The following SMOC2 variants were observed in gnomAD, a reference collection of about 807,000 sequenced individuals.
SMOC2 encodes SPARC-related modular calcium-binding protein 2.
In SMOC2, 39 loss-of-function variants were observed where a neutral mutation model predicts 61.4. The ratio of observed to expected loss-of-function variants is 0.64; its 90% CI spans 0.49 to 0.83. SMOC2 has a LOEUF of 0.83. Among genes scored for constraint, SMOC2 ranks in the 40% least tolerant of loss-of-function variants. SMOC2 has a pLI of 0.00. For missense variants in SMOC2, 556 were observed against 592.9 expected (o/e 0.94, Z 0.65); for synonymous variants, 247 against 239.9 (o/e 1.03, Z -0.27).
chr6:168,540,897 C>CA (rs1783863455), intron 4 of SMOC2, among the ~76,000 whole-genome samples: 1 of 152,192 alleles, frequency 6.6e-6, no homozygotes, highest in African/African-American at 2.4e-5. Flanking sequence ...TCACCCCTCT[C>CA]ACGTCTGTGC....
At chr6:168,596,095 AAGCGCCACGTGAACAC>A in intron 7 of SMOC2, among the ~76,000 whole-genome samples, 1 of 98,656 alleles carries the variant, frequency 1.0e-5, no homozygotes, top group African/African-American at 3.6e-5. Flanking sequence ...AGGCATGAAC[AAGCGCCACGTGAACAC>A]GGCAGTGATG....
chr6:168,546,532 G>A (rs548858249), intron 5 of SMOC2, among the ~76,000 whole-genome samples: 3 of 152,190 alleles, frequency 2.0e-5, no homozygotes, highest in African/African-American at 4.8e-5. Context: ...TCCATTCTCC[G>A]ATCACTTTCG....
intron 9 of SMOC2, among the ~76,000 whole-genome samples, chr6:168,642,589 T>C (rs1786920631): frequency 2.6e-5 from 4 of 152,188 alleles, no homozygotes; most frequent in Admixed American, 2.6e-4. Flanking sequence ...TCTTGAATCG[T>C]CCAAAAGAGG....
rs1334814645 is a variant in SMOC2, at chr6:168,510,971, C to T, written c.256+885C>T. Among the ~76,000 whole-genome samples the T allele has an allele frequency of 2.6e-5, 4 of 152,080 alleles. No homozygotes were observed. In the South Asian group the frequency reaches 6.2e-4, roughly 24 times the overall value. On this transcript the variant is annotated intron_variant, in intron 2 of 12. Transcript: ENST00000356284. The stretch of plus-strand genomic sequence containing the variant: ...AAGGATGTTTTGCTCCATGACAGAC[C>T]GCATGTCCAGCAGGGGTCCCATAAC...
At chr6:168,565,309 G>T (rs1485750562) in intron 7 of SMOC2, among the ~76,000 whole-genome samples, 2 of 152,214 alleles carry the variant, frequency 1.3e-5, no homozygotes, top group Non-Finnish European at 2.9e-5. Context: ...AGGGCTGGAA[G>T]TCCAGGCCCG....
intron 1 of SMOC2, among the ~76,000 whole-genome samples, chr6:168,500,754 A>C (rs997679208): frequency 5.9e-5 from 9 of 152,174 alleles, no homozygotes; most frequent in South Asian, 4.1e-4. Context: ...CTTAGAGTCC[A>C]TGCCCATGCA....
In SMOC2 at chr6:168,606,645, T is replaced by C. The variant is rs78091666; in HGVS notation, c.825-1512T>C. On this transcript the variant is annotated intron_variant, in intron 8 of 12. Transcript: ENST00000356284. ...CCTAAAGTGATCTCTGTGAAGTAAA[T>C]AGGATCTTGTAGCCCTTTCTTTAAG... Among the ~76,000 whole-genome samples, 914 of 152,236 alleles carry C rather than the reference T, an allele frequency of 6.0e-3. 5 individuals are homozygous for C. The highest frequency in any genetic ancestry group is 7.7e-3 in the Non-Finnish European group (523 of 68,012).
chr6:168,464,013 A>G (rs1284304032), intron 1 of SMOC2, among the ~76,000 whole-genome samples: 6 of 152,052 alleles, frequency 3.9e-5, no homozygotes, highest in African/African-American at 1.4e-4. Flanking sequence ...CAACATGGTG[A>G]ATCCCCGTCT....
Position 168,640,841 on chromosome 6 carries a change from G to A in SMOC2, c.908-9840G>A, listed in dbSNP as rs544446815. ...AAAGCATTTCCTAAACTACATATGC[G>A]GGGAAAGAAAGAGACAAAAACGCTA... is the stretch of plus-strand genomic sequence containing the variant. On this transcript the variant is annotated intron_variant, in intron 9 of 12. Transcript: ENST00000356284. 7.2e-4 allele frequency among the ~76,000 whole-genome samples: 110 copies of A among 152,218 alleles called. No individual in the cohort carries two copies. The South Asian group carries it at 0.015, about 21-fold the overall frequency.
intron 11 of SMOC2, among the ~76,000 whole-genome samples, chr6:168,659,580 G>A (rs1407492870): frequency 6.0e-5 from 5 of 82,708 alleles, no homozygotes; most frequent in East Asian, 3.5e-4. Context: ...TTGAGTCAGG[G>A]TGGAGGTTGT....
At chr6:168,473,466 C>T (rs1456877597) in intron 1 of SMOC2, among the ~76,000 whole-genome samples, 5 of 152,118 alleles carry the variant, frequency 3.3e-5, no homozygotes, top group Admixed American at 1.3e-4. Context: ...GCCTGTGAAA[C>T]GATACTGTTA....
At chr6:168,468,404 C>A (rs576930363) in intron 1 of SMOC2, among the ~76,000 whole-genome samples, 1 of 152,352 alleles carries the variant, frequency 6.6e-6, no homozygotes, top group East Asian at 1.9e-4. Context: ...TCAGAATGTG[C>A]AGATGTTCCT....
intron 4 of SMOC2, among the ~76,000 whole-genome samples, chr6:168,539,824 A>G (rs1038765910): frequency 2.0e-5 from 3 of 152,198 alleles, no homozygotes; most frequent in South Asian, 4.2e-4. Context: ...ACTCTTCCTC[A>G]GAGAGGCCTT....
At chr6:168,557,530 C>T (rs1332377104) in intron 7 of SMOC2, among the ~76,000 whole-genome samples, 1 of 152,214 alleles carries the variant, frequency 6.6e-6, no homozygotes, top group Non-Finnish European at 1.5e-5. Flanking sequence ...CACACCAACA[C>T]GTGTACACGC....
At chr6:168,460,542 G>A (rs897236887) in intron 1 of SMOC2, among the ~76,000 whole-genome samples, 4 of 152,202 alleles carry the variant, frequency 2.6e-5, no homozygotes, top group African/African-American at 7.2e-5. Flanking sequence ...ATTAGGAGGG[G>A]TTTGGAGGTC....
rs1269227311 is a variant in SMOC2, at chr6:168,553,702, A to G, written c.637+4499A>G. Among the ~76,000 whole-genome samples, 1 of 152,234 alleles carries G rather than the reference A, an allele frequency of 6.6e-6. No homozygotes were observed. Among genetic ancestry groups the G allele is most frequent in the Non-Finnish European group, 1.5e-5 (1 of 68,040 alleles). On this transcript the variant is annotated intron_variant, in intron 7 of 12. Transcript: ENST00000356284. The surrounding 1 kb of genome is among the most constrained non-coding windows in gnomAD (Gnocchi z 4.2). ...ATATGATCGTGGCATGTCAAAGCCA[A>G]GGAGGGCTCTATCTCTGGGGCGAGG...
intron 7 of SMOC2, among the ~76,000 whole-genome samples, chr6:168,557,057 G>A (rs1784269366): frequency 6.6e-6 from 1 of 152,042 alleles, no homozygotes; most frequent in Non-Finnish European, 1.5e-5. Flanking sequence ...ATTAAAATTA[G>A]TGCCAAAAGA....
intron 1 of SMOC2, among the ~76,000 whole-genome samples, chr6:168,460,006 T>TC (rs943846980): frequency 6.6e-6 from 1 of 152,186 alleles, no homozygotes; most frequent in African/African-American, 2.4e-5. Flanking sequence ...TCTTCCCTGA[T>TC]CAATGTTTCT....
intron 8 of SMOC2, among the ~76,000 whole-genome samples, chr6:168,605,469 G>A (rs988474659): frequency 1.3e-5 from 2 of 152,062 alleles, no homozygotes; most frequent in East Asian, 1.9e-4. Context: ...TGAAATTAAC[G>A]GACTTATTTC....
Sources: allele counts gnomAD v4.1 joint callset (sites outside exome capture counted in the v4.1 genomes callset), GRCh38; gene constraint gnomAD v4.1.1; non-coding constraint Gnocchi (gnomAD v3.1); transcripts MANE v1.5; gene names NCBI Gene and HGNC (gene_info 2026-07-23, HGNC 2026-07-21).